The following SSH2 variants were observed in gnomAD, a reference collection of about 807,000 sequenced individuals.
SSH2 encodes the protein slingshot protein phosphatase 2.
A neutral mutation model predicts 135.2 loss-of-function variants in SSH2; 37 were observed. That is an observed-to-expected ratio of 0.27 (90% confidence interval 0.21 to 0.36). The LOEUF is 0.36. Ranked by LOEUF, SSH2 falls within the 10% of genes least tolerant of loss-of-function variation. The pLI is 1.00. For missense variants in SSH2, 1,408 were observed against 1,765.3 expected (o/e 0.80, Z 3.63); for synonymous variants, 628 against 646.2 (o/e 0.97, Z 0.43).
intron 1 of SSH2, among the ~76,000 whole-genome samples, chr17:29,898,854 G>A (rs977451529): frequency 1.3e-5 from 2 of 152,214 alleles, no homozygotes; most frequent in African/African-American, 4.8e-5. Context: ...CAATATCCCT[G>A]ATGAACATTG....
intron 3 of SSH2, among the ~76,000 whole-genome samples, chr17:29,778,255 A>G (rs1376784141): frequency 6.6e-6 from 1 of 152,148 alleles, no homozygotes; most frequent in Non-Finnish European, 1.5e-5. Flanking sequence ...CTAAACATTG[A>G]CCCTGGTAAT....
At chr17:29,742,322 T>C (rs867475036) in intron 3 of SSH2, among the ~76,000 whole-genome samples, 32 of 147,906 alleles carry the variant, frequency 2.2e-4, no homozygotes, top group South Asian at 6.3e-4. Context: ...AGTTCTTCTT[T>C]TTTTTTTTTT....
intron 2 of SSH2, among the ~76,000 whole-genome samples, chr17:29,794,481 A>G (rs190388320): frequency 6.6e-6 from 1 of 152,234 alleles, no homozygotes; most frequent in African/African-American, 2.4e-5. Context: ...TTCTTTATAA[A>G]CCCAGAAGGT....
intron 3 of SSH2, among the ~76,000 whole-genome samples, chr17:29,760,278 G>T (rs2041248829): frequency 6.6e-6 from 1 of 152,190 alleles, no homozygotes; most frequent in Admixed American, 6.5e-5. Flanking sequence ...AGTGCAAAGA[G>T]TCTAGGAAAA....
rs2037516000 is a variant in SSH2, at chr17:29,672,006, T to G, written c.738A>C (p.Ser246=). The change falls in exon 9 of 16, where the codon TCA becomes TCC. Residue 246 remains serine, a synonymous_variant. Coordinates refer to ENST00000540801, the MANE Select transcript of SSH2 (RefSeq NM_001282129.2). The stretch of plus-strand genomic sequence containing the variant: ...CTTGCATTGCATTCCATTCATTGAC[T>G]GAGGATTGATCTGAGTTGATATGGC... The part of the protein sequence containing the change: ...YESHINSDQS[S]VNEWNAMQDV... 1 of 1,614,098 alleles carries G rather than the reference T, an allele frequency of 6.2e-7. No individual in the cohort carries two copies. Among genetic ancestry groups the G allele is most frequent in the African/African-American group, 1.3e-5 (1 of 74,948 alleles).
chr17:29,674,873 C>T (rs926048759), intron 8 of SSH2, among the ~76,000 whole-genome samples: 1 of 152,074 alleles, frequency 6.6e-6, no homozygotes, highest in South Asian at 2.1e-4. Flanking sequence ...TGTGTTGGGC[C>T]GCATGCAAAG....
At chr17:29,636,863 C>A in intron 14 of SSH2, 61 bp from the exon 15 acceptor site, 1 of 1,152,996 alleles carries the variant, frequency 8.7e-7, no homozygotes, top group South Asian at 1.5e-5. Context: ...CAACACCCTC[C>A]CAGGAAAACA....
chr17:29,676,522 T>A (rs1443498555), intron 8 of SSH2: 5 of 286,798 alleles, frequency 1.7e-5, no homozygotes. Context: ...ACTAACTTAG[T>A]CAATATGTCC....
intron 3 of SSH2, among the ~76,000 whole-genome samples, chr17:29,714,858 CTTTCTTTT>C (rs2039562565): frequency 6.6e-6 from 1 of 152,010 alleles, no homozygotes; most frequent in Non-Finnish European, 1.5e-5. Context: ...TGAATTTTTT[CTTTCTTTT>C]TTTCTTTTTT....
intron 3 of SSH2, among the ~76,000 whole-genome samples, chr17:29,750,950 G>T (rs1228276859): frequency 6.6e-6 from 1 of 152,014 alleles, no homozygotes; most frequent in Non-Finnish European, 1.5e-5. Context: ...AAAGAGTCAG[G>T]ATCATCAAGA....
chr17:29,800,606 C>T (rs1443292305), intron 2 of SSH2, among the ~76,000 whole-genome samples: 2 of 151,476 alleles, frequency 1.3e-5, no homozygotes, highest in South Asian at 2.1e-4. Flanking sequence ...TGATACATAA[C>T]GAGAATATCT....
At chr17:29,887,446 CAAG>C (rs1316125511) in intron 1 of SSH2, among the ~76,000 whole-genome samples, 1 of 152,158 alleles carries the variant, frequency 6.6e-6, no homozygotes, top group African/African-American at 2.4e-5. Context: ...GAGTTTAAGA[CAAG>C]AAGGGTAAGG....
intron 2 of SSH2, among the ~76,000 whole-genome samples, chr17:29,795,763 C>T (rs77792038): frequency 0.018 from 2,723 of 151,920 alleles, 85 homozygotes; most frequent in African/African-American, 0.062. Context: ...TTTTTTTAGA[C>T]GTTGTCTCAC....
chr17:29,842,888 C>A (rs960639590), intron 2 of SSH2, among the ~76,000 whole-genome samples: 2 of 152,204 alleles, frequency 1.3e-5, no homozygotes, highest in African/African-American at 4.8e-5. Flanking sequence ...TAATCCTAAA[C>A]TCCTGTGGGG....
intron 2 of SSH2, among the ~76,000 whole-genome samples, chr17:29,833,463 C>T (rs937477185): frequency 1.3e-5 from 2 of 151,952 alleles, no homozygotes; most frequent in African/African-American, 2.4e-5. Context: ...TATCTTTAGT[C>T]TATATGTGTC....
At chr17:29,683,335 C>T (rs1230673276) in intron 6 of SSH2, among the ~76,000 whole-genome samples, 3 of 152,206 alleles carry the variant, frequency 2.0e-5, no homozygotes, top group African/African-American at 4.8e-5. Context: ...TAAGGACACA[C>T]GAAAAGGCCA....
At chr17:29,869,784 G>A (rs1439708372) in intron 1 of SSH2, among the ~76,000 whole-genome samples, 1 of 152,072 alleles carries the variant, frequency 6.6e-6, no homozygotes, top group Non-Finnish European at 1.5e-5. Flanking sequence ...CATATGAAGT[G>A]CAGGAAGGTC....
chr17:29,912,293 TG>T (rs1193680663), intron 1 of SSH2, among the ~76,000 whole-genome samples: 1 of 152,226 alleles, frequency 6.6e-6, no homozygotes, highest in Non-Finnish European at 1.5e-5. Flanking sequence ...TTTATGGTAT[TG>T]CTGAGCTAAG....
intron 1 of SSH2, among the ~76,000 whole-genome samples, chr17:29,849,615 G>A (rs1327372773): frequency 6.6e-6 from 1 of 151,606 alleles, no homozygotes; most frequent in Non-Finnish European, 1.5e-5. Flanking sequence ...TTTGTTTAGA[G>A]ATAGGCTATA....
Sources: gnomAD v4.1 joint callset for allele counts (sites outside exome capture counted in the v4.1 genomes callset) on GRCh38, gnomAD v4.1.1 for gene constraint, MANE v1.5 for transcripts, NCBI Gene and HGNC (gene_info 2026-07-23, HGNC 2026-07-21) for gene names.